Variants in NOS1AP observed in about 807,000 individuals in gnomAD.
NOS1AP encodes the protein carboxyl-terminal PDZ ligand of neuronal nitric oxide synthase protein.
NOS1AP carries 21 observed loss-of-function variants against 56.2 expected under a neutral mutation model. That is an observed-to-expected ratio of 0.37 (90% CI 0.26 to 0.54). The LOEUF (loss-of-function observed/expected upper bound fraction) is 0.54, where lower values mean the gene tolerates loss of function less well. Ranked by LOEUF, NOS1AP falls within the 20% of genes least tolerant of loss-of-function variation. NOS1AP has a pLI of 0.84. For missense variants in NOS1AP, 522 were observed against 657.8 expected (o/e 0.79, Z 2.26); for synonymous variants, 270 against 274.6 (o/e 0.98, Z 0.17).
chr1:162,159,967 G>A (rs372103362), intron 2 of NOS1AP, among the ~76,000 whole-genome samples: 3 of 152,146 alleles, frequency 2.0e-5, no homozygotes, highest in African/African-American at 7.2e-5. Flanking sequence ...GTGGGAACTG[G>A]GGGCTTTCAG....
intron 2 of NOS1AP, among the ~76,000 whole-genome samples, chr1:162,205,258 C>G (rs1484602110): frequency 6.6e-6 from 1 of 152,224 alleles, no homozygotes; most frequent in Non-Finnish European, 1.5e-5. Context: ...ACATATCACT[C>G]CTTTCTTCTC....
At chr1:162,179,973 G>C (rs1156384114) in intron 2 of NOS1AP, among the ~76,000 whole-genome samples, 1 of 152,202 alleles carries the variant, frequency 6.6e-6, no homozygotes, top group Non-Finnish European at 1.5e-5. Context: ...CTGCTGGCAA[G>C]AATGTAGGGG....
intron 2 of NOS1AP, among the ~76,000 whole-genome samples, chr1:162,235,375 C>G (rs950114994): frequency 3.3e-5 from 5 of 152,188 alleles, no homozygotes; most frequent in African/African-American, 1.2e-4. Context: ...AAGAAGACTT[C>G]CCTGGCGCTG....
chr1:162,364,723 G>A, intron 8 of NOS1AP: 3 of 985,934 alleles, frequency 3.0e-6, no homozygotes, highest in Admixed American at 6.1e-5. Context: ...GTAATATGTG[G>A]TATGAATCAT....
intron 7 of NOS1AP, among the ~76,000 whole-genome samples, chr1:162,355,619 T>C (rs1657678130): frequency 1.3e-5 from 2 of 152,162 alleles, no homozygotes; most frequent in Non-Finnish European, 2.9e-5. Flanking sequence ...TCCTACTCCC[T>C]GGCACCCTCT....
At chr1:162,125,327 T>C (rs1648440386) in intron 1 of NOS1AP, among the ~76,000 whole-genome samples, 2 of 151,982 alleles carry the variant, frequency 1.3e-5, no homozygotes, top group Non-Finnish European at 1.5e-5. Flanking sequence ...AGAGATGGGG[T>C]TTCACCATGT....
intron 1 of NOS1AP, among the ~76,000 whole-genome samples, chr1:162,133,196 C>CT (rs1243629030): frequency 6.6e-6 from 1 of 152,160 alleles, no homozygotes; most frequent in Non-Finnish European, 1.5e-5. Context: ...TGGGTTTAAT[C>CT]TTTGAAATTT....
intron 4 of NOS1AP, among the ~76,000 whole-genome samples, chr1:162,327,838 G>A (rs1248612247): frequency 2.6e-5 from 4 of 152,188 alleles, no homozygotes; most frequent in Admixed American, 1.3e-4. Context: ...ATAGTCACTG[G>A]CAAGTTGGAA....
intron 1 of NOS1AP, among the ~76,000 whole-genome samples, chr1:162,096,888 A>T (rs530320942): frequency 6.6e-6 from 1 of 152,182 alleles, no homozygotes. Flanking sequence ...TGCAGCAAAC[A>T]TTCTTGTATA....
At chr1:162,200,262 C>T (rs1423852341) in intron 2 of NOS1AP, among the ~76,000 whole-genome samples, 1 of 152,144 alleles carries the variant, frequency 6.6e-6, no homozygotes, top group Non-Finnish European at 1.5e-5. Flanking sequence ...GGTTTTCACT[C>T]CTGTGGTTTT....
At chr1:162,110,240 G>A (rs1647660152) in intron 1 of NOS1AP, among the ~76,000 whole-genome samples, 1 of 143,726 alleles carries the variant, frequency 7.0e-6, no homozygotes, top group Non-Finnish European at 1.5e-5. Context: ...TTTAGGAAGA[G>A]TTTTTGCCCT....
intron 2 of NOS1AP, among the ~76,000 whole-genome samples, chr1:162,212,573 G>A (rs1652389396): frequency 6.6e-6 from 1 of 152,176 alleles, no homozygotes; most frequent in African/African-American, 2.4e-5. Context: ...TAATAGGTGT[G>A]TATGTTGGTG....
chr1:162,200,578 G>A (rs1394914363), intron 2 of NOS1AP, among the ~76,000 whole-genome samples: 2 of 152,190 alleles, frequency 1.3e-5, no homozygotes, highest in Non-Finnish European at 2.9e-5. Flanking sequence ...TTCTGTTGCA[G>A]TCTCCCTGGC....
intron 2 of NOS1AP, among the ~76,000 whole-genome samples, chr1:162,269,424 G>A (rs1654517912): frequency 6.6e-6 from 1 of 152,094 alleles, no homozygotes; most frequent in African/African-American, 2.4e-5. Context: ...TTAAGAAACG[G>A]ATAATGGCTG....
intron 1 of NOS1AP, among the ~76,000 whole-genome samples, chr1:162,079,580 C>T (rs1025254637): frequency 6.6e-6 from 1 of 152,142 alleles, no homozygotes; most frequent in African/African-American, 2.4e-5. Flanking sequence ...TTTCCTTTAG[C>T]GTTCTCATTT....
chr1:162,297,577 G>A (rs1655506068), intron 3 of NOS1AP, among the ~76,000 whole-genome samples: 1 of 152,140 alleles, frequency 6.6e-6, no homozygotes, highest in Non-Finnish European at 1.5e-5. Flanking sequence ...GTATAGCAGT[G>A]GCTCTCAGGC....
intron 1 of NOS1AP, among the ~76,000 whole-genome samples, chr1:162,099,187 CTTTT>C (rs1209300721): frequency 3.7e-5 from 5 of 136,848 alleles, no homozygotes. Context: ...TACTTTTTGA[CTTTT>C]TTTTTGTTTT....
chr1:162,277,559 G>A (rs929558741), intron 2 of NOS1AP, among the ~76,000 whole-genome samples: 1 of 152,094 alleles, frequency 6.6e-6, no homozygotes, highest in African/African-American at 2.4e-5. Context: ...CTTATCTCTT[G>A]CTCATCATGT....
intron 3 of NOS1AP, among the ~76,000 whole-genome samples, chr1:162,293,649 T>C (rs151054878): frequency 8.7e-4 from 133 of 152,298 alleles, no homozygotes; most frequent in African/African-American, 3.1e-3. Context: ...CATTCAGTGG[T>C]CTTACAAAAG....
Sources: gnomAD v4.1 joint callset for allele counts (sites outside exome capture counted in the v4.1 genomes callset) on GRCh38, gnomAD v4.1.1 for gene constraint, MANE v1.5 for transcripts, NCBI Gene and HGNC (gene_info 2026-07-23, HGNC 2026-07-21) for gene names.